MRPL10: variants seen among roughly 807,000 people sequenced by gnomAD.
MRPL10 encodes the protein mitochondrial ribosomal protein L10, also known as large ribosomal subunit protein uL10m.
A neutral mutation model predicts 19.8 loss-of-function variants in MRPL10; 14 were observed. The observed-to-expected ratio is 0.71, with a 90% CI of 0.47 to 1.11. The LOEUF (loss-of-function observed/expected upper bound fraction) is 1.11, where lower values mean the gene tolerates loss of function less well. Among genes scored for constraint, MRPL10 ranks in the 50% least tolerant of loss-of-function variants. The probability of loss-of-function intolerance (pLI) is 0.00; values close to 1 mark genes in which losing one functional copy is unlikely to be tolerated. For synonymous variants in MRPL10, 129 were observed against 139.2 expected, an observed-to-expected ratio of 0.93 and a Z score of 0.52; for missense variants, 318 against 339.6, an observed-to-expected ratio of 0.94 and a Z score of 0.50.
rs1598033465 is a variant in MRPL10, at chr17:47,824,066, T to C, written c.*139A>G. 2 of 1,071,922 alleles carry C rather than the reference T, an allele frequency of 1.9e-6. No individual in the cohort carries two copies. The highest frequency in any genetic ancestry group is 2.8e-6 in the Non-Finnish European group (2 of 725,858). The allele number at this position is 1,071,922 out of a possible 1,614,324, so 66.4% of individuals were successfully genotyped here. A position where few individuals can be genotyped will look rare whatever the true frequency, so the allele number is the denominator to read the frequency against. ...TCCTCTGCATCTCCAAGTGGCCCTA[T>C]ACCTGACAATATCATTACTAGTGAA... On this transcript the variant is annotated 3_prime_UTR_variant, in exon 5 of 5. Coordinates refer to ENST00000351111, the MANE Select transcript of MRPL10 (RefSeq NM_145255.4).
In MRPL10 at chr17:47,824,049, A is replaced by G. The variant is rs1256937384; in HGVS notation, c.*156T>C. The G allele has an allele frequency of 8.0e-6, 7 of 877,954 alleles. No homozygotes were observed. Among genetic ancestry groups the G allele is most frequent in the Non-Finnish European group, 1.0e-5 (6 of 572,476 alleles). 54.4% of individuals were successfully genotyped at this position (877,954 alleles called of 1,614,324 possible). Reference sequence around the variant, plus strand: ...TGACATCTGAAATGGAATCCTCTGCATCTCCAAGTGGCCCTATACCTGACA... The same window carrying G: ...TGACATCTGAAATGGAATCCTCTGCGTCTCCAAGTGGCCCTATACCTGACA... On this transcript the variant is annotated 3_prime_UTR_variant, in exon 5 of 5. Transcript: ENST00000351111.
intron 4 of MRPL10, among the ~76,000 whole-genome samples, chr17:47,825,159 T>C (rs1749558623): frequency 6.6e-6 from 1 of 151,066 alleles, no homozygotes; most frequent in Non-Finnish European, 1.5e-5. Context: ...TGAAACCCCG[T>C]TTCTACTAAA....
chr17:47,825,235 A>G (rs1453681282), intron 4 of MRPL10, among the ~76,000 whole-genome samples: 3 of 152,022 alleles, frequency 2.0e-5, no homozygotes, highest in Admixed American at 1.3e-4. Flanking sequence ...AGGCTGAGGC[A>G]AGAGAATCGC....
At chr17:47,830,658 AC>A (rs1468007673) in intron 1 of MRPL10, among the ~76,000 whole-genome samples, 1 of 152,118 alleles carries the variant, frequency 6.6e-6, no homozygotes, top group Non-Finnish European at 1.5e-5. Flanking sequence ...GGCACGCGCC[AC>A]CACACCCGGC....
chr17:47,826,459 T>C (rs1194209443), intron 4 of MRPL10, among the ~76,000 whole-genome samples, 178 bp downstream of exon 4: 2 of 152,180 alleles, frequency 1.3e-5, no homozygotes, highest in Non-Finnish European at 2.9e-5. Flanking sequence ...CCTGGGGTAG[T>C]GAGACAACAC....
At position 47,824,442 on chromosome 17, in the gene MRPL10, G is replaced by A. The variant is rs746801424; in HGVS notation, c.549C>T (p.Asp183=). Residue 183 remains aspartate (D), a synonymous_variant, in exon 5 of 5, where the codon GAC becomes GAT. Transcript: ENST00000351111. Reference sequence around the variant, plus strand: ...TAAAGCCCTGCCTGCTGAGGATGGTGTCATCAATGCAGCCACCTGGAAGAA... The same window carrying A: ...TAAAGCCCTGCCTGCTGAGGATGGTATCATCAATGCAGCCACCTGGAAGAA... The part of the protein sequence containing the change: ...FLPLLGGCID[D]TILSRQGFIN... 3.9e-6 allele frequency: 6 copies of A among 1,545,522 alleles called. No individual in the cohort carries two copies. The highest frequency in any genetic ancestry group is 4.0e-5 in the Admixed American group (2 of 50,112).
chr17:47,824,268 G>A lies in MRPL10; in HGVS notation c.723C>T (p.Arg241=), dbSNP rs1412596137. 23 of 1,614,044 alleles carry A rather than the reference G, an allele frequency of 1.4e-5. 1 individual carries two copies. Among genetic ancestry groups the A allele is most frequent in the African/African-American group, 4.0e-5 (3 of 74,908 alleles). Residue 241 remains arginine, a synonymous_variant, in exon 5 of 5, where the codon CGC becomes CGT. Transcript: ENST00000351111. ...TLLDQYIREQ[R]EKDSVMSANG... is the part of the protein sequence containing the mutation. ...TGGCCGACATGACAGAATCCTTCTC[G>A]CGTTGCTCTCTGATGTACTGGTCCA... is the stretch of plus-strand genomic sequence containing the variant.
At chr17:47,825,014 C>CAAAAA (rs5820672) in intron 4 of MRPL10, among the ~76,000 whole-genome samples, 1 of 75,596 alleles carries the variant, frequency 1.3e-5, no homozygotes, top group Non-Finnish European at 2.4e-5. Flanking sequence ...AACTTCGTCT[C>CAAAAA]AAAAAAAAAA....
rs761082174 is a variant in MRPL10 at position 47,831,488 on chromosome 17, C to A, written c.24G>T (p.Met8Ile). The change falls in exon 1 of 5, where the codon ATG becomes ATT. Residue 8 changes from methionine to isoleucine, a missense_variant. Coordinates refer to ENST00000351111, the MANE Select transcript of MRPL10 (RefSeq NM_145255.4). The part of the protein sequence containing the change: MAAAVAG[M>I]LRGGLLPQAG... ...CCTGGGGCAGGAGACCCCCTCGCAG[C>A]ATCCCCGCCACGGCCGCAGCCATCT... The A allele has an allele frequency of 1.9e-6, 3 of 1,549,024 alleles. No individual in the cohort carries two copies.
chr17:47,829,837 C>T (rs2143597540), intron 1 of MRPL10, among the ~76,000 whole-genome samples: 1 of 151,028 alleles, frequency 6.6e-6, no homozygotes, highest in East Asian at 2.0e-4. Flanking sequence ...TGCAGTGAGC[C>T]GAGATTGTGC....
rs2033572879 is a variant in MRPL10, at chr17:47,828,549, TG to T, written c.173del (p.Pro58GlnfsTer19). Reference sequence around the variant, plus strand: ...ATGGCAGGCATGATGGGTGGATGGCTGGTTTCGGGGGGATATATTCAGTCAC... The same window carrying T: ...ATGGCAGGCATGATGGGTGGATGGCTGTTTCGGGGGGATATATTCAGTCAC... ...MAVTEYIPPK[P>X]AIHPSCLPSP... On this transcript the variant is annotated frameshift_variant, in exon 2 of 5. Coordinates refer to ENST00000351111, the MANE Select transcript of MRPL10 (RefSeq NM_145255.4). LOFTEE classifies it high-confidence loss of function. The T allele has an allele frequency of 6.7e-7, 1 of 1,482,818 alleles. No individual in the cohort carries two copies. The highest frequency in any genetic ancestry group is 8.9e-7 in the Non-Finnish European group (1 of 1,118,342). The allele number at this position is 1,482,818 out of a possible 1,614,324, so 91.9% of individuals were successfully genotyped here.
In MRPL10 at chr17:47,824,192, C is replaced by T. The variant is rs771149285; in HGVS notation, c.*13G>A. 18 of 1,614,110 alleles carry T rather than the reference C, an allele frequency of 1.1e-5. No individual in the cohort carries two copies. On this transcript the variant is annotated 3_prime_UTR_variant, in exon 5 of 5. Coordinates refer to ENST00000351111, the MANE Select transcript of MRPL10 (RefSeq NM_145255.4). ...AGAGTGTATTTATGCGCAGGGCTGG[C>T]TAAACAGGCTGGCTACGAGTCCGGA...
chr17:47,824,113 C>G lies in MRPL10; in HGVS notation c.*92G>C. The G allele has an allele frequency of 1.9e-6, 3 of 1,559,960 alleles. No homozygotes were observed. Among genetic ancestry groups the G allele is most frequent in the Non-Finnish European group, 2.6e-6 (3 of 1,141,146 alleles). On this transcript the variant is annotated 3_prime_UTR_variant, in exon 5 of 5. Transcript: ENST00000351111. Reference sequence around the variant, plus strand: ...TGAAAACCAAGTGACAAACACACTCCCCGACCCCAAGTTCTTCCACATGTC... The same window carrying G: ...TGAAAACCAAGTGACAAACACACTCGCCGACCCCAAGTTCTTCCACATGTC...
chr17:47,829,125 G>A (rs2033582993), intron 1 of MRPL10: 1 of 155,284 alleles, frequency 6.4e-6, no homozygotes. Flanking sequence ...TTAGCCAGGT[G>A]TGGTGGTGTA....
Position 47,828,483 on chromosome 17 carries a change from A to G in MRPL10, c.222+18T>C, listed in dbSNP as rs1303697609. The G allele has an allele frequency of 1.4e-6, 2 of 1,401,930 alleles. No homozygotes were observed. The highest frequency in any genetic ancestry group is 3.0e-5 in the African/African-American group (2 of 66,850). The allele number at this position is 1,401,930 out of a possible 1,614,324, so 86.8% of individuals were successfully genotyped here. ...ACCATCCCACCACCAAGTGACATGT[A>G]CCCAAATTCCTCCTTACCTCCTGTG... is the stretch of plus-strand genomic sequence containing the variant. On this transcript the variant is annotated intron_variant, in intron 2 of 4. Coordinates refer to ENST00000351111, the MANE Select transcript of MRPL10 (RefSeq NM_145255.4).
intron 4 of MRPL10, among the ~76,000 whole-genome samples, chr17:47,825,242 T>A (rs1156345048): frequency 6.6e-6 from 1 of 151,844 alleles, no homozygotes; most frequent in Admixed American, 6.6e-5. Context: ...GGCAAGAGAA[T>A]CGCTTAAACC....
chr17:47,823,870 T>C lies in MRPL10; in HGVS notation c.*335A>G. 1 of 355,072 alleles carries C rather than the reference T, an allele frequency of 2.8e-6. No homozygotes were observed. Among genetic ancestry groups the C allele is most frequent in the South Asian group, 2.4e-5 (1 of 40,938 alleles). 22.0% of individuals were successfully genotyped at this position (355,072 alleles called of 1,614,324 possible). ...AGTGGCAGGTTGTGCCCCAAGGGGG[T>C]GGGCTCAGGAGCCCGTGCAGCAAGA... On this transcript the variant is annotated 3_prime_UTR_variant, in exon 5 of 5. Transcript: ENST00000351111.
At chr17:47,826,488 C>T (rs1195414568) in intron 4 of MRPL10, 149 bp downstream of exon 4, 6 of 927,106 alleles carry the variant, frequency 6.5e-6, no homozygotes, top group East Asian at 2.6e-5. Flanking sequence ...GAGTGACAGT[C>T]GGCCCTCAAT....
chr17:47,826,997 G>A (rs373559054), intron 3 of MRPL10, 43 bp downstream of exon 3: 126 of 1,569,436 alleles, frequency 8.0e-5, no homozygotes, highest in Non-Finnish European at 9.7e-5. Flanking sequence ...TGGTGGGGGT[G>A]GGGGGAAGAT....
Sources: allele counts gnomAD v4.1 joint callset (sites outside exome capture counted in the v4.1 genomes callset), GRCh38; gene constraint gnomAD v4.1.1; transcripts MANE v1.5; gene names NCBI Gene and HGNC (gene_info 2026-07-23, HGNC 2026-07-21).